The following ARHGEF9 variants were observed in gnomAD, a reference collection of about 807,000 sequenced individuals.
The protein encoded by ARHGEF9 is Cdc42 guanine nucleotide exchange factor 9.
ARHGEF9 carries 2 observed loss-of-function variants against 41.3 expected under a neutral mutation model. The ratio of observed to expected loss-of-function variants is 0.05; its 90% CI spans 0.02 to 0.15. ARHGEF9 has a LOEUF of 0.15. Ranked by LOEUF, ARHGEF9 falls within the 10% of genes least tolerant of loss-of-function variation. ARHGEF9 has a pLI of 1.00. For synonymous variants in ARHGEF9, 160 were observed against 154.4 expected (o/e 1.04, Z -0.27); for missense variants, 225 against 424.7 (o/e 0.53, Z 4.13).
chrX:63,740,012 G>GCCAAA (rs1284512430), intron 1 of ARHGEF9, among the ~76,000 whole-genome samples: 2 of 111,567 alleles, frequency 1.8e-5, no homozygotes, highest in Non-Finnish European at 3.8e-5. Flanking sequence ...ATGGCCATGA[G>GCCAAA]CACAAACACA....
intron 8 of ARHGEF9, among the ~76,000 whole-genome samples, chrX:63,650,828 A>G (rs1357226878): frequency 1.8e-5 from 2 of 110,720 alleles, no homozygotes; most frequent in African/African-American, 6.5e-5. Flanking sequence ...TGATTAAAAG[A>G]TTAAAGTGAG....
At chrX:63,711,391 T>C (rs1181660215) in intron 2 of ARHGEF9, among the ~76,000 whole-genome samples, 2 of 111,557 alleles carry the variant, frequency 1.8e-5, no homozygotes, top group Non-Finnish European at 3.8e-5. Flanking sequence ...ACTCACACTT[T>C]CTGATTTCAA....
At chrX:63,690,461 C>T (rs187279104) in intron 4 of ARHGEF9, among the ~76,000 whole-genome samples, 1 of 111,086 alleles carries the variant, frequency 9.0e-6, no homozygotes, top group African/African-American at 3.3e-5. Context: ...CTGAACAAAC[C>T]AATAACAAGT....
intron 1 of ARHGEF9, among the ~76,000 whole-genome samples, chrX:63,777,316 A>T (rs1374418339): frequency 1.8e-5 from 2 of 111,423 alleles, no homozygotes; most frequent in African/African-American, 6.5e-5. Context: ...CAAGAATAGC[A>T]TGAGGGTAAC....
intron 1 of ARHGEF9, among the ~76,000 whole-genome samples, chrX:63,762,082 C>A (rs1423150703): frequency 8.1e-5 from 9 of 111,497 alleles, no homozygotes; most frequent in African/African-American, 2.9e-4. Flanking sequence ...GTATCAGAAC[C>A]CAGTGTTTAG....
At chrX:63,723,777 T>A (rs1196582383) in intron 2 of ARHGEF9, among the ~76,000 whole-genome samples, 1 of 112,069 alleles carries the variant, frequency 8.9e-6, no homozygotes, top group Admixed American at 9.5e-5. Context: ...TTGGGATCAC[T>A]TCCTTTACAG....
intron 1 of ARHGEF9, chrX:63,755,337 C>T: frequency 3.0e-6 from 2 of 661,115 alleles, no homozygotes; most frequent in Non-Finnish European, 4.0e-6. Context: ...CCCAGACCGG[C>T]GAGAGTCACC....
intron 4 of ARHGEF9, among the ~76,000 whole-genome samples, chrX:63,688,196 G>A (rs1299465451): frequency 7.2e-5 from 8 of 110,723 alleles, no homozygotes; most frequent in African/African-American, 1.3e-4. Flanking sequence ...GGGCAGGAGG[G>A]AGGGGGGCAA....
intron 2 of ARHGEF9, among the ~76,000 whole-genome samples, chrX:63,710,459 T>C (rs1306158616): frequency 9.0e-6 from 1 of 110,525 alleles, no homozygotes; most frequent in African/African-American, 3.3e-5. Flanking sequence ...TCCAGCAACA[T>C]ATTAAAAACA....
intron 2 of ARHGEF9, among the ~76,000 whole-genome samples, chrX:63,711,622 G>C (rs1270883432): frequency 8.9e-6 from 1 of 111,922 alleles, no homozygotes; most frequent in Non-Finnish European, 1.9e-5. Context: ...ATGAACTTTG[G>C]CTCCTACTTT....
At chrX:63,744,247 G>T (rs1187454483) in intron 1 of ARHGEF9, among the ~76,000 whole-genome samples, 1 of 112,482 alleles carries the variant, frequency 8.9e-6, no homozygotes, top group African/African-American at 3.2e-5. Flanking sequence ...GTGACACTTT[G>T]CTTTCCATCA....
rs1359338259 is a variant in ARHGEF9 at position 63,659,139 on chromosome X, T to C, written c.1078-3402A>G. On this transcript the variant is annotated intron_variant, in intron 7 of 9. Coordinates refer to ENST00000671741, the MANE Select transcript of ARHGEF9 (RefSeq NM_001353921.2). ...CCATTAAAGGCTGTGCCCAGCACTCTATCTTCTTTGGTCTTGCTTCACTTA... is the reference window on the plus strand; with the variant it reads ...CCATTAAAGGCTGTGCCCAGCACTCCATCTTCTTTGGTCTTGCTTCACTTA... Among the ~76,000 whole-genome samples, 3 of 112,430 alleles carry C rather than the reference T, an allele frequency of 2.7e-5. No individual in the cohort carries two copies. In the East Asian group the frequency reaches 8.4e-4, roughly 32 times the overall value.
Position 63,724,775 on chromosome X carries a change from C to T in ARHGEF9, c.31-64G>A, listed in dbSNP as rs2053855610. ...CTACCTTGCTTGCCCCTTCCCCCAC[C>T]CACAGAGCTCTACTACTTACAGAGA... On this transcript the variant is annotated intron_variant, in intron 1 of 9. Coordinates refer to ENST00000671741, the MANE Select transcript of ARHGEF9 (RefSeq NM_001353921.2). 4 of 1,061,540 alleles carry T rather than the reference C, an allele frequency of 3.8e-6. No homozygotes were observed. The East Asian group carries it at 1.2e-4, about 32-fold the overall frequency. 87.5% of individuals were successfully genotyped at this position (1,061,540 alleles called of 1,213,427 possible).
At chrX:63,780,004 A>ATGTC (rs2056355772) in intron 1 of ARHGEF9, among the ~76,000 whole-genome samples, 11 of 112,022 alleles carry the variant, frequency 9.8e-5, no homozygotes, top group Non-Finnish European at 1.7e-4. Flanking sequence ...AAGTAGAAGT[A>ATGTC]TTAAATAGGA....
chrX:63,709,218 G>A (rs1556405088), intron 2 of ARHGEF9: 2 of 112,472 alleles, frequency 1.8e-5, no homozygotes, highest in African/African-American at 6.5e-5. Context: ...GAACATGCCA[G>A]GTTGAAAGGC....
chrX:63,703,670 C>T (rs2052343414), intron 3 of ARHGEF9, among the ~76,000 whole-genome samples: 1 of 111,817 alleles, frequency 8.9e-6, no homozygotes, highest in Non-Finnish European at 1.9e-5. Context: ...ATGGAAAGTA[C>T]ATTCCAGTAG....
Position 63,636,685 on chromosome X carries a change from C to A in ARHGEF9, c.*1343G>T. The A allele has an allele frequency of 3.5e-6, 1 of 289,124 alleles. No homozygotes were observed. The highest frequency in any genetic ancestry group is 6.1e-6 in the Non-Finnish European group (1 of 165,204). 23.8% of individuals were successfully genotyped at this position (289,124 alleles called of 1,213,427 possible). A position where few individuals can be genotyped will look rare whatever the true frequency, so the allele number is the denominator to read the frequency against. ...AAGAAGCCAGGGAAGATTGTCCATG[C>A]AATCTGTTAACAATGGGAGAAGTCT... On this transcript the variant is annotated 3_prime_UTR_variant, in exon 10 of 10. Transcript: ENST00000671741.
chrX:63,658,079 T>C (rs1315981840), intron 7 of ARHGEF9: 1 of 111,884 alleles, frequency 8.9e-6, no homozygotes, highest in Non-Finnish European at 1.9e-5. Flanking sequence ...TTCCCAAAAA[T>C]AGAAAGAATA....
intron 4 of ARHGEF9, among the ~76,000 whole-genome samples, chrX:63,682,896 A>G (rs2050745161): frequency 9.0e-6 from 1 of 111,635 alleles, no homozygotes; most frequent in Admixed American, 9.5e-5. Context: ...ATGGTGAAAA[A>G]TGGAAAGCTT....
Sources: gnomAD v4.1 joint callset for allele counts (sites outside exome capture counted in the v4.1 genomes callset) on GRCh38, gnomAD v4.1.1 for gene constraint, MANE v1.5 for transcripts, NCBI Gene and HGNC (gene_info 2026-07-23, HGNC 2026-07-21) for gene names.